The following ZFAT variants were observed in gnomAD, a reference collection of about 807,000 sequenced individuals.
ZFAT encodes the protein zinc finger and AT-hook domain containing.
Under a neutral mutation model 117.7 loss-of-function variants are expected in ZFAT, and 64 were observed. The ratio of observed to expected loss-of-function variants is 0.54; its 90% CI spans 0.44 to 0.67. The LOEUF (loss-of-function observed/expected upper bound fraction) is 0.67. Ranked by LOEUF, ZFAT falls within the 30% of genes least tolerant of loss-of-function variation. The pLI, the probability that ZFAT is intolerant of heterozygous loss-of-function variation, is 0.00. For missense variants in ZFAT, 1,433 were observed against 1,584.5 expected (o/e 0.90, Z 1.62); for synonymous variants, 679 against 615.0 (o/e 1.10, Z -1.54).
the ZFAT span, among the ~76,000 whole-genome samples, chr8:134,781,184 C>T: frequency 6.6e-6 from 1 of 151,964 alleles, no homozygotes; most frequent in South Asian, 2.1e-4. Flanking sequence ...AGAGTGCAGT[C>T]GCATGACTGT....
At chr8:134,778,673 T>C in the ZFAT span, among the ~76,000 whole-genome samples, 1 of 152,104 alleles carries the variant, frequency 6.6e-6, no homozygotes, top group South Asian at 2.1e-4. Flanking sequence ...GATAGAGGAA[T>C]GAAAAGAATG....
At chr8:134,577,450 G>A (rs1482749044) in intron 10 of ZFAT, among the ~76,000 whole-genome samples, 1 of 152,206 alleles carries the variant, frequency 6.6e-6, no homozygotes, top group Admixed American at 6.5e-5. Flanking sequence ...TTAATGGTGA[G>A]TTCCTTGACC....
chr8:134,535,523 C>T (rs2130589437), intron 11 of ZFAT, among the ~76,000 whole-genome samples: 1 of 145,902 alleles, frequency 6.9e-6, no homozygotes, highest in African/African-American at 2.6e-5. Context: ...CTCTCCCTCC[C>T]TCTCTCAATC....
intron 3 of ZFAT, among the ~76,000 whole-genome samples, chr8:134,613,075 T>G (rs1828457326): frequency 6.6e-6 from 1 of 152,238 alleles, no homozygotes; most frequent in South Asian, 2.1e-4. Flanking sequence ...ATATATTGGA[T>G]GCTATAAAAA....
chr8:134,775,828 C>T, the ZFAT span, among the ~76,000 whole-genome samples: 12 of 152,290 alleles, frequency 7.9e-5, no homozygotes, highest in South Asian at 1.7e-3. Context: ...TATTTCCTCC[C>T]AGACCCCATA....
the ZFAT span, among the ~76,000 whole-genome samples, chr8:134,779,588 CTTG>C: frequency 6.6e-6 from 1 of 152,186 alleles, no homozygotes; most frequent in South Asian, 2.1e-4. Flanking sequence ...GTTCCCTTGG[CTTG>C]TTTTCTTTCA....
At chr8:134,821,087 G>A in the ZFAT span, among the ~76,000 whole-genome samples, 2 of 152,176 alleles carry the variant, frequency 1.3e-5, no homozygotes, top group Admixed American at 6.5e-5. Flanking sequence ...GATGGTTGTT[G>A]TGAAGATTAA....
chr8:134,739,213 A>AC, the ZFAT span, among the ~76,000 whole-genome samples: 2 of 151,974 alleles, frequency 1.3e-5, no homozygotes, highest in South Asian at 4.1e-4. Context: ...TTTTCATTCC[A>AC]CCTTGCCACC....
intron 3 of ZFAT, among the ~76,000 whole-genome samples, 194 bp from the exon 4 acceptor site, chr8:134,610,849 C>A (rs141684545): frequency 6.6e-6 from 1 of 151,768 alleles, no homozygotes; most frequent in South Asian, 2.1e-4. Flanking sequence ...ATGTTCACTG[C>A]TCCCCGCCAC....
intron 3 of ZFAT, among the ~76,000 whole-genome samples, chr8:134,624,215 CACA>C (rs746800961): frequency 2.0e-5 from 3 of 151,672 alleles, no homozygotes; most frequent in Admixed American, 1.3e-4. Flanking sequence ...CACACACACA[CACA>C]CCCTTAACTC....
the ZFAT span, among the ~76,000 whole-genome samples, chr8:134,825,249 C>T: frequency 0.31 from 46,895 of 152,042 alleles, 7,980 homozygotes; most frequent in African/African-American, 0.45. Context: ...GTTATAATCC[C>T]AGGGAAAAGG....
At chr8:134,533,651 A>T (rs114916888) in intron 11 of ZFAT, among the ~76,000 whole-genome samples, 1 of 152,220 alleles carries the variant, frequency 6.6e-6, no homozygotes, top group East Asian at 1.9e-4. Flanking sequence ...ACCATCAGGG[A>T]AGTCCAGCAG....
the ZFAT span, chr8:134,795,029 G>C: frequency 1.3e-5 from 2 of 152,050 alleles, no homozygotes; most frequent in South Asian, 4.1e-4. Context: ...TGAACAACTT[G>C]TTCAAGGTCA....
At position 134,694,061 on chromosome 8, in the gene ZFAT, T is replaced by G. The variant is rs770137876; in HGVS notation, c.19+18784A>C. 2.4e-4 allele frequency among the ~76,000 whole-genome samples: 36 copies of G among 152,062 alleles called. 1 individual carries two copies. The highest frequency in any genetic ancestry group is 2.4e-4 in the Non-Finnish European group (16 of 68,020). ...AGTCTACAAAATAACTGGCCCATAC[T>G]CCACAAAAATATCAATGTCCTGGAA... On this transcript the variant is annotated intron_variant, in intron 1 of 15. Coordinates refer to ENST00000377838, the MANE Select transcript of ZFAT (RefSeq NM_020863.4).
chr8:134,546,333 A>G (rs190366209), intron 11 of ZFAT, among the ~76,000 whole-genome samples: 100 of 152,336 alleles, frequency 6.6e-4, no homozygotes, highest in Non-Finnish European at 1.0e-3. Flanking sequence ...TAGGACACCT[A>G]TAAGATTTAC....
chr8:134,576,463 C>T (rs1668015880), intron 10 of ZFAT, among the ~76,000 whole-genome samples: 1 of 152,146 alleles, frequency 6.6e-6, no homozygotes, highest in Admixed American at 6.5e-5. Context: ...TTCACCTTTT[C>T]TCCAAGGGCA....
chr8:134,496,453 G>A (rs576196460), intron 15 of ZFAT, among the ~76,000 whole-genome samples: 1 of 152,330 alleles, frequency 6.6e-6, no homozygotes, highest in South Asian at 2.1e-4. Flanking sequence ...CGGGGCAGGG[G>A]AGCTCTGTCC....
chr8:134,554,670 A>G lies in ZFAT; in HGVS notation c.2976+10663T>C, dbSNP rs115112221. ...AAGGCAGGAGAGAGATGCCTAATAA[A>G]CAGAAAGCCCGGGGTGGAGCTGGAG... On this transcript the variant is annotated intron_variant, in intron 11 of 15. Transcript: ENST00000377838. 7.3e-3 allele frequency among the ~76,000 whole-genome samples: 1,111 copies of G among 152,276 alleles called. 18 individuals carry two copies. Among genetic ancestry groups the G allele is most frequent in the African/African-American group, 0.025 (1,057 of 41,548 alleles).
chr8:134,609,155 T>C (rs966826314), intron 4 of ZFAT, among the ~76,000 whole-genome samples: 5 of 151,454 alleles, frequency 3.3e-5, no homozygotes, highest in Admixed American at 2.0e-4. Flanking sequence ...AGTACACATA[T>C]ACACACACAC....
Sources: allele counts gnomAD v4.1 joint callset (sites outside exome capture counted in the v4.1 genomes callset), GRCh38; gene constraint gnomAD v4.1.1; transcripts MANE v1.5; gene names NCBI Gene and HGNC (gene_info 2026-07-23, HGNC 2026-07-21).